ROCK1: variants seen among roughly 807,000 people sequenced by gnomAD.
ROCK1 encodes rho-associated protein kinase 1.
In ROCK1, 36 loss-of-function variants were observed where a neutral mutation model predicts 196.8. That is an observed-to-expected ratio of 0.18 (90% CI 0.14 to 0.24). The LOEUF (loss-of-function observed/expected upper bound fraction) is 0.24. Ranked by LOEUF, ROCK1 falls within the 10% of genes least tolerant of loss-of-function variation. The pLI is 1.00. For missense variants in ROCK1, 920 were observed against 1,562.0 expected (o/e 0.59, Z 6.93); for synonymous variants, 443 against 515.9 (o/e 0.86, Z 1.91).
At chr18:21,077,611 CT>C (rs10708353) in intron 1 of ROCK1, among the ~76,000 whole-genome samples, 149,778 of 152,054 alleles carry the variant, frequency 0.99, 73,811 homozygotes, top group East Asian at 1. Context: ...TGGGGCGAGA[CT>C]TTTTTGGGAA....
In ROCK1 at chr18:21,042,631, C is replaced by T. The variant is rs1297278320; in HGVS notation, c.754G>A (p.Asp252Asn). ...SPEVLKSQGG[D>N]GYYGRECDWW... ...TCACATTCTCTTCCATAATAACCAT[C>T]ACCACCTTGGGATTTTAATACTTCA... The change falls in exon 7 of 33, where the codon GAT becomes AAT. Residue 252 changes from aspartate (D) to asparagine (N), a missense_variant. Physicochemically the swap from Asp to Asn is conservative, Grantham distance 23 (BLOSUM62 1). Coordinates refer to ENST00000399799, the MANE Select transcript of ROCK1 (RefSeq NM_005406.3). 1.2e-6 allele frequency: 2 copies of T among 1,613,908 alleles called. No individual in the cohort carries two copies. Among genetic ancestry groups the T allele is most frequent in the African/African-American group, 2.7e-5 (2 of 74,924 alleles).
Position 21,006,777 on chromosome 18 carries a change from C to T in ROCK1, c.1560G>A (p.Lys520=). 6.3e-7 allele frequency: 1 copy of T among 1,585,804 alleles called. No homozygotes were observed. The highest frequency in any genetic ancestry group is 8.6e-7 in the Non-Finnish European group (1 of 1,166,118). ...RNVENEVSTL[K]DQLEDLKKVS... ...CTTTCTTTAAGTCTTCCAACTGATC[C>T]TTTAATGTAGAAACTAGAAAATGAA... is the stretch of plus-strand genomic sequence containing the variant. The change falls in exon 15 of 33, where the codon AAG becomes AAA. Residue 520 remains lysine, a synonymous_variant. Coordinates refer to ENST00000399799, the MANE Select transcript of ROCK1 (RefSeq NM_005406.3).
At chr18:20,957,758 A>G (rs2035258791) in intron 29 of ROCK1, among the ~76,000 whole-genome samples, 1 of 151,908 alleles carries the variant, frequency 6.6e-6, no homozygotes, top group Non-Finnish European at 1.5e-5. Context: ...TGCTGGGATT[A>G]CAGGTGTGAG....
At chr18:21,085,205 C>G in intron 1 of ROCK1, among the ~76,000 whole-genome samples, 1 of 152,110 alleles carries the variant, frequency 6.6e-6, no homozygotes, top group East Asian at 1.9e-4. Flanking sequence ...TGCTTTAACA[C>G]CACCAAATTG....
chr18:21,059,540 A>G (rs961708087), intron 2 of ROCK1, among the ~76,000 whole-genome samples: 6 of 152,228 alleles, frequency 3.9e-5, no homozygotes, highest in African/African-American at 1.4e-4. Flanking sequence ...GGAGATAAAC[A>G]CATGCTGCAT....
At chr18:21,093,634 G>A (rs2036588948) in intron 1 of ROCK1, among the ~76,000 whole-genome samples, 1 of 152,008 alleles carries the variant, frequency 6.6e-6, no homozygotes, top group Non-Finnish European at 1.5e-5. Context: ...AAGTTCTCAT[G>A]TGACCCTACC....
At chr18:21,096,660 T>C (rs1335606268) in intron 1 of ROCK1, among the ~76,000 whole-genome samples, 1 of 152,180 alleles carries the variant, frequency 6.6e-6, no homozygotes, top group Non-Finnish European at 1.5e-5. Context: ...AATTATTATG[T>C]TTAGCCCACA....
intron 1 of ROCK1, among the ~76,000 whole-genome samples, chr18:21,078,977 C>T (rs1196236495): frequency 6.6e-6 from 1 of 152,110 alleles, no homozygotes; most frequent in African/African-American, 2.4e-5. Flanking sequence ...GATGAGCTGT[C>T]CCTCAACTAA....
intron 27 of ROCK1, among the ~76,000 whole-genome samples, chr18:20,963,955 G>A (rs1189584194): frequency 3.9e-5 from 6 of 151,962 alleles, no homozygotes; most frequent in Admixed American, 3.3e-4. Context: ...TTTAGAATTG[G>A]GAATTTTAGA....
chr18:21,083,531 TC>T (rs140311482), intron 1 of ROCK1, among the ~76,000 whole-genome samples: 11,267 of 152,194 alleles, frequency 0.074, 599 homozygotes, highest in Admixed American at 0.15. Context: ...CACTTATACC[TC>T]CTTCCACCTC....
chr18:21,068,955 T>G (rs1266134003), intron 2 of ROCK1, among the ~76,000 whole-genome samples: 2 of 152,128 alleles, frequency 1.3e-5, no homozygotes, highest in Admixed American at 1.3e-4. Context: ...CGGCTTTTCT[T>G]TATTTTACCT....
intron 2 of ROCK1, among the ~76,000 whole-genome samples, chr18:21,058,697 A>T (rs2036264425): frequency 6.6e-6 from 1 of 152,240 alleles, no homozygotes; most frequent in African/African-American, 2.4e-5. Context: ...CTCCCACCGC[A>T]GCCTCCCAAG....
At chr18:20,981,609 C>T (rs2035534231) in intron 21 of ROCK1, among the ~76,000 whole-genome samples, 1 of 152,114 alleles carries the variant, frequency 6.6e-6, no homozygotes, top group Non-Finnish European at 1.5e-5. Flanking sequence ...TTTAACTACC[C>T]TCTTCATTTT....
intron 20 of ROCK1, among the ~76,000 whole-genome samples, 162 bp downstream of exon 20, chr18:20,984,189 C>T (rs2035557861): frequency 6.6e-6 from 1 of 152,128 alleles, no homozygotes; most frequent in South Asian, 2.1e-4. Flanking sequence ...GCCTGAACTC[C>T]CCTGAAAACC....
intron 18 of ROCK1, among the ~76,000 whole-genome samples, chr18:20,988,275 C>T (rs2035594066): frequency 6.6e-6 from 1 of 151,988 alleles, no homozygotes; most frequent in South Asian, 2.1e-4. Flanking sequence ...ACCATGTTGC[C>T]CAGGCTGGTC....
chr18:20,968,019 A>G (rs2035390268), intron 25 of ROCK1, 79 bp from the exon 26 acceptor site: 2 of 1,219,434 alleles, frequency 1.6e-6, no homozygotes, highest in Non-Finnish European at 2.2e-6. Context: ...CTTCAAAATC[A>G]GGAAGCAGGA....
intron 29 of ROCK1, among the ~76,000 whole-genome samples, chr18:20,959,068 A>T (rs1357928654): frequency 7.1e-5 from 3 of 42,344 alleles, no homozygotes; most frequent in Non-Finnish European, 1.0e-4. Context: ...TATATTTTAT[A>T]TTATATAATA....
chr18:21,039,734 T>C (rs1274795958), intron 8 of ROCK1, among the ~76,000 whole-genome samples, 171 bp from the exon 9 acceptor site: 1 of 152,026 alleles, frequency 6.6e-6, no homozygotes, highest in Non-Finnish European at 1.5e-5. Context: ...ATGTTAAAGA[T>C]TGAGAACATT....
chr18:21,031,604 CAAAAAAAAAAAAA>C (rs781463990), intron 9 of ROCK1, among the ~76,000 whole-genome samples: 1 of 51,894 alleles, frequency 1.9e-5, no homozygotes, highest in Non-Finnish European at 3.7e-5. Flanking sequence ...GACTCCATCT[CAAAAAAAAAAAAA>C]AAAAAAAAGA....
Sources: allele counts gnomAD v4.1 joint callset (sites outside exome capture counted in the v4.1 genomes callset), GRCh38; gene constraint gnomAD v4.1.1; transcripts MANE v1.5; gene names NCBI Gene and HGNC (gene_info 2026-07-23, HGNC 2026-07-21).